IPO11: variants seen among roughly 807,000 people sequenced by gnomAD.
IPO11 encodes the protein importin-11.
IPO11 carries 66 observed loss-of-function variants against 143.2 expected under a neutral mutation model. That is an observed-to-expected ratio of 0.46 (90% confidence interval 0.38 to 0.57). IPO11 has a LOEUF of 0.57. Ranked by LOEUF, IPO11 falls within the 20% of genes least tolerant of loss-of-function variation. The pLI is 0.00. For missense variants in IPO11, 1,026 were observed against 1,141.0 expected (o/e 0.90, Z 1.45); for synonymous variants, 385 against 377.8 (o/e 1.02, Z -0.22).
intron 3 of IPO11, among the ~76,000 whole-genome samples, chr5:62,448,722 T>C (rs368464332): frequency 1.3e-5 from 2 of 152,026 alleles, no homozygotes; most frequent in African/African-American, 4.8e-5. Context: ...TGCTAATGTT[T>C]TTTAGTTCTA....
chr5:62,518,613 C>A (rs988491170), intron 20 of IPO11, among the ~76,000 whole-genome samples: 1 of 151,962 alleles, frequency 6.6e-6, no homozygotes, highest in Non-Finnish European at 1.5e-5. Context: ...GACCCTGTCT[C>A]AAAAATAATA....
chr5:62,577,074 A>G (rs1744340851), intron 27 of IPO11, among the ~76,000 whole-genome samples: 1 of 152,232 alleles, frequency 6.6e-6, no homozygotes, highest in East Asian at 1.9e-4. Flanking sequence ...AATGAACATT[A>G]GTAATCAGAA....
At chr5:62,454,259 G>A (rs1034242884) in intron 5 of IPO11, among the ~76,000 whole-genome samples, 7 of 152,170 alleles carry the variant, frequency 4.6e-5, no homozygotes, top group Non-Finnish European at 8.8e-5. Context: ...TTGATTTCTA[G>A]CGAGGACTAA....
chr5:62,618,493 A>T (rs1746223173), intron 29 of IPO11, among the ~76,000 whole-genome samples: 1 of 152,180 alleles, frequency 6.6e-6, no homozygotes, highest in South Asian at 2.1e-4. Flanking sequence ...ACTAAAATTG[A>T]TGAATAAGTA....
intron 29 of IPO11, among the ~76,000 whole-genome samples, chr5:62,616,194 C>T (rs1467005278): frequency 6.6e-6 from 1 of 152,038 alleles, no homozygotes; most frequent in Admixed American, 6.6e-5. Context: ...TATCTAACGG[C>T]ATTATTATTC....
chr5:62,568,574 CAA>C (rs66748975), intron 27 of IPO11, among the ~76,000 whole-genome samples: 11 of 51,894 alleles, frequency 2.1e-4, no homozygotes, highest in South Asian at 1.1e-3. Flanking sequence ...ACTCTGTCTC[CAA>C]AAAAAAAAAA....
chr5:62,584,737 G>GT lies in IPO11; in HGVS notation c.2583-6834dup, dbSNP rs576131673. Among the ~76,000 whole-genome samples, 77 of 136,202 alleles carry GT rather than the reference G, an allele frequency of 5.7e-4. 1 individual carries two copies. Among genetic ancestry groups the GT allele is most frequent in the Admixed American group, 3.7e-3 (51 of 13,614 alleles). The allele number at this position is 136,202 out of a possible 152,430, so 89.4% of individuals were successfully genotyped here. A position where few individuals can be genotyped will look rare whatever the true frequency, so the allele number is the denominator to read the frequency against. On this transcript the variant is annotated intron_variant, in intron 27 of 29. Coordinates refer to ENST00000325324, the MANE Select transcript of IPO11 (RefSeq NM_016338.5). ...TCTGAAGCATAGCTTTTTTTGTTTT[G>GT]TTTTTTGTTTTTGTTTTTTTTTTTT...
Position 62,561,177 on chromosome 5 carries a change from T to G in IPO11, c.2502T>G (p.Asp834Glu). Residue 834 changes from aspartate (D) to glutamate (E), a missense_variant, in exon 27 of 30, where the codon GAT becomes GAG. This residue lies in a region of IPO11 where 351 missense variants were observed against 358.9 expected (regional missense o/e 0.98). Transcript: ENST00000325324. The stretch of plus-strand genomic sequence containing the variant: ...GAAATATGATTGAAATGTGGGTTGA[T>G]CGAATGGACAACATTACCCAGCCTG... ...LLGNMIEMWV[D>E]RMDNITQPER... 2 of 1,610,482 alleles carry G rather than the reference T, an allele frequency of 1.2e-6. No homozygotes were observed. The highest frequency in any genetic ancestry group is 1.7e-6 in the Non-Finnish European group (2 of 1,178,330).
At chr5:62,508,010 A>G (rs1409456473) in intron 19 of IPO11, among the ~76,000 whole-genome samples, 1 of 151,794 alleles carries the variant, frequency 6.6e-6, no homozygotes, top group Non-Finnish European at 1.5e-5. Flanking sequence ...TTTTTTTTCT[A>G]CCTTAACCTC....
chr5:62,529,334 T>C (rs1273889046), intron 21 of IPO11, among the ~76,000 whole-genome samples: 1 of 152,140 alleles, frequency 6.6e-6, no homozygotes. Flanking sequence ...TTTGATTGCT[T>C]TTTGCTGTTT....
chr5:62,573,042 T>C (rs1021614044), intron 27 of IPO11, among the ~76,000 whole-genome samples: 18 of 151,856 alleles, frequency 1.2e-4, no homozygotes, highest in Non-Finnish European at 4.4e-5. Context: ...CTTCTTGGGG[T>C]GTAAAGCTTT....
At chr5:62,545,629 C>T (rs960346913) in intron 24 of IPO11, among the ~76,000 whole-genome samples, 2 of 152,150 alleles carry the variant, frequency 1.3e-5, no homozygotes, top group Non-Finnish European at 2.9e-5. Flanking sequence ...AGCGCTTCTG[C>T]ACAGCAAAGG....
intron 1 of IPO11, among the ~76,000 whole-genome samples, chr5:62,431,129 A>G (rs1743970698): frequency 6.6e-6 from 1 of 151,542 alleles, no homozygotes; most frequent in East Asian, 1.9e-4. Flanking sequence ...GGCATGTGCT[A>G]CGGTACGCCT....
At chr5:62,450,062 T>C in intron 4 of IPO11, 63 bp downstream of exon 4, 3 of 1,015,262 alleles carry the variant, frequency 3.0e-6, no homozygotes, top group South Asian at 1.5e-5. Context: ...ACTAATTTTA[T>C]ATTCTGGCAT....
At chr5:62,521,263 C>G (rs895093480) in intron 20 of IPO11, among the ~76,000 whole-genome samples, 2 of 152,150 alleles carry the variant, frequency 1.3e-5, no homozygotes, top group African/African-American at 2.4e-5. Context: ...TGCAAAAATA[C>G]ATAGGAGGTA....
rs533390821 is a variant in IPO11, at chr5:62,523,996, A to G, written c.1897-2146A>G. The stretch of plus-strand genomic sequence containing the variant: ...AGAAATCCCATGTGTCCTTCACCCA[A>G]TTTCTCCTTACATGTTATGTAATTA... On this transcript the variant is annotated intron_variant, in intron 20 of 29. Coordinates refer to ENST00000325324, the MANE Select transcript of IPO11 (RefSeq NM_016338.5). 1.8e-3 allele frequency among the ~76,000 whole-genome samples: 277 copies of G among 152,104 alleles called. 1 individual carries two copies. Among genetic ancestry groups the G allele is most frequent in the African/African-American group, 6.1e-3 (253 of 41,522 alleles).
intron 1 of IPO11, among the ~76,000 whole-genome samples, chr5:62,436,264 T>G (rs1744229160): frequency 6.6e-6 from 1 of 152,210 alleles, no homozygotes; most frequent in African/African-American, 2.4e-5. Flanking sequence ...TAATTGTAAT[T>G]ATTTTAACAA....
chr5:62,438,162 A>T lies in IPO11; in HGVS notation c.138+745A>T, dbSNP rs201690709. Among the ~76,000 whole-genome samples the T allele has an allele frequency of 8.5e-5, 13 of 152,348 alleles. No homozygotes were observed. In the East Asian group the frequency reaches 2.5e-3, roughly 29 times the overall value. On this transcript the variant is annotated intron_variant, in intron 2 of 29. Transcript: ENST00000325324. Reference sequence around the variant, plus strand: ...TAGAATCAGAGCAAAATTGTTTATTATATCTTGCAAAATAAAATAAATGAT... The same window carrying T: ...TAGAATCAGAGCAAAATTGTTTATTTTATCTTGCAAAATAAAATAAATGAT...
At chr5:62,429,683 G>T (rs901851837) in intron 1 of IPO11, among the ~76,000 whole-genome samples, 52 of 151,944 alleles carry the variant, frequency 3.4e-4, no homozygotes, top group Admixed American at 1.3e-3. Context: ...GAGTGCAGTG[G>T]TGCGATCTTG....
Sources: gnomAD v4.1 joint callset for allele counts (sites outside exome capture counted in the v4.1 genomes callset) on GRCh38, gnomAD v4.1.1 for gene constraint, gnomAD v4.1.1 regional missense constraint, MANE v1.5 for transcripts, NCBI Gene and HGNC (gene_info 2026-07-23, HGNC 2026-07-21) for gene names.